ATP11C: variants seen among roughly 807,000 people sequenced by gnomAD.
ATP11C encodes phospholipid-transporting ATPase IG.
ATP11C carries 36 observed loss-of-function variants against 97.4 expected under a neutral mutation model. That is an observed-to-expected ratio of 0.37 (90% CI 0.28 to 0.49). The LOEUF (loss-of-function observed/expected upper bound fraction) is 0.49. Ranked by LOEUF, ATP11C falls within the 20% of genes least tolerant of loss-of-function variation. The pLI is 0.98. For synonymous variants in ATP11C, 275 were observed against 290.9 expected, an observed-to-expected ratio of 0.95 and a Z score of 0.56; for missense variants, 730 against 824.6, an observed-to-expected ratio of 0.89 and a Z score of 1.40.
At chrX:139,776,483 T>TTTTA (rs1331826878) in intron 18 of ATP11C, among the ~76,000 whole-genome samples, 2 of 111,526 alleles carry the variant, frequency 1.8e-5, no homozygotes, top group African/African-American at 6.5e-5. Flanking sequence ...AAGGATAAAG[T>TTTTA]CTATACAAAC....
intron 24 of ATP11C, 46 bp downstream of exon 24, chrX:139,749,979 A>T (rs1224984056): frequency 2.7e-6 from 3 of 1,126,366 alleles, no homozygotes; most frequent in Admixed American, 4.5e-5. Flanking sequence ...AATGAAAATC[A>T]CAACACTGAA....
chrX:139,804,417 T>A, intron 6 of ATP11C, 54 bp downstream of exon 6: 1 of 1,037,802 alleles, frequency 9.6e-7, no homozygotes, highest in Non-Finnish European at 1.3e-6. Context: ...GAGGCAGTAT[T>A]GTATGATTAA....
chrX:139,766,616 G>T (rs1461419069), intron 20 of ATP11C, among the ~76,000 whole-genome samples: 1 of 110,875 alleles, frequency 9.0e-6, no homozygotes, highest in Non-Finnish European at 1.9e-5. Flanking sequence ...ATGTGTGCGT[G>T]TGTGTGTGCG....
At chrX:139,931,861 G>A (rs988325061) in intron 1 of ATP11C, among the ~76,000 whole-genome samples, 155 bp downstream of exon 1, 13 of 110,834 alleles carry the variant, frequency 1.2e-4, no homozygotes, top group Non-Finnish European at 2.3e-4. Context: ...CTCCCCGGCC[G>A]CCTGGGCACC....
At position 139,797,180 on chromosome X, in the gene ATP11C, A is replaced by C. The variant is rs765266896; in HGVS notation, c.1004T>G (p.Leu335Trp). 10 of 1,198,094 alleles carry C rather than the reference A, an allele frequency of 8.3e-6. No homozygotes were observed. Among genetic ancestry groups the C allele is most frequent in the Non-Finnish European group, 1.1e-5 (10 of 891,885 alleles). ...NQKTQKERET[L>W]KVLKMFTDFL... ...TTTCAGCAGAAAACAAATTACCTTCAAGGTCTCTCGCTCTTTCTGAGTCTT... is the reference window on the plus strand; with the variant it reads ...TTTCAGCAGAAAACAAATTACCTTCCAGGTCTCTCGCTCTTTCTGAGTCTT... Residue 335 changes from leucine to tryptophan, a missense_variant, in exon 11 of 30, where the codon TTG becomes TGG. By Grantham distance (61) the Leu-to-Trp change is moderately conservative (BLOSUM62 -2). Transcript: ENST00000682941.
chrX:139,750,977 T>G (rs1042936745), intron 23 of ATP11C, among the ~76,000 whole-genome samples: 1 of 112,362 alleles, frequency 8.9e-6, no homozygotes, highest in Non-Finnish European at 1.9e-5. Flanking sequence ...AACAAACATT[T>G]TCTGTGGCCT....
intron 19 of ATP11C, among the ~76,000 whole-genome samples, chrX:139,770,404 T>C (rs1481592175): frequency 1.8e-5 from 2 of 111,998 alleles, no homozygotes; most frequent in African/African-American, 6.5e-5. Context: ...AGAATGTATG[T>C]TGGGGTGCAC....
intron 5 of ATP11C, among the ~76,000 whole-genome samples, chrX:139,812,921 C>T (rs910664896): frequency 9.0e-6 from 1 of 111,382 alleles, no homozygotes; most frequent in Non-Finnish European, 1.9e-5. Context: ...TCCCCCTTGA[C>T]CAGGATGTAA....
intron 1 of ATP11C, among the ~76,000 whole-genome samples, chrX:139,848,766 G>C (rs180886697): frequency 9.0e-6 from 1 of 111,113 alleles, no homozygotes; most frequent in Admixed American, 9.6e-5. Flanking sequence ...TTGATTCATG[G>C]AACCTATTCT....
At chrX:139,788,553 T>C (rs1377643083) in intron 13 of ATP11C, among the ~76,000 whole-genome samples, 3 of 111,464 alleles carry the variant, frequency 2.7e-5, no homozygotes, top group Admixed American at 1.9e-4. Flanking sequence ...GCATACCCTA[T>C]AGGCTGTGTT....
chrX:139,884,497 A>AT (rs1360120172), intron 1 of ATP11C, among the ~76,000 whole-genome samples: 1 of 111,546 alleles, frequency 9.0e-6, no homozygotes, highest in Admixed American at 9.6e-5. Context: ...GGAATACTTT[A>AT]TTTTTTATTT....
intron 8 of ATP11C, among the ~76,000 whole-genome samples, chrX:139,799,800 G>A (rs1474977099): frequency 7.4e-5 from 8 of 107,801 alleles, no homozygotes; most frequent in African/African-American, 2.0e-4. Context: ...TTACAGATGT[G>A]TGCCACCACG....
chrX:139,930,811 T>C (rs2085420393), intron 1 of ATP11C, among the ~76,000 whole-genome samples: 1 of 112,379 alleles, frequency 8.9e-6, no homozygotes, highest in South Asian at 3.7e-4. Context: ...CAAGTATTAC[T>C]TTTAGCCAGT....
At chrX:139,747,592 A>G (rs1358384682) in intron 24 of ATP11C, among the ~76,000 whole-genome samples, 1 of 111,812 alleles carries the variant, frequency 8.9e-6, no homozygotes. Context: ...TCTATAGAAA[A>G]ACTAGTTTAT....
intron 1 of ATP11C, among the ~76,000 whole-genome samples, chrX:139,832,984 A>T (rs1023753498): frequency 1.8e-5 from 2 of 112,429 alleles, no homozygotes; most frequent in African/African-American, 6.5e-5. Context: ...TACTTTCTAG[A>T]TCACCACAGA....
At position 139,762,103 on chromosome X, in the gene ATP11C, A is replaced by G; in HGVS notation, c.2498T>C (p.Ile833Thr). ...TGCTTGGCGACCTTCTTTGCCTTTA[A>G]TACCTAAAAGAGAGTATCTCTATAT... ...MILESHVGIG[I>T]KGKEGRQAAR... The change falls in exon 22 of 30, where the codon ATT (isoleucine) becomes ACT (threonine). Residue 833 changes from isoleucine (I) to threonine (T), a missense_variant. By Grantham distance (89) the Ile-to-Thr change is moderately conservative. Transcript: ENST00000682941. 1 of 1,198,200 alleles carries G rather than the reference A, an allele frequency of 8.3e-7. No individual in the cohort carries two copies. The highest frequency in any genetic ancestry group is 1.1e-6 in the Non-Finnish European group (1 of 886,779).
Position 139,750,142 on chromosome X carries a change from T to C in ATP11C, c.2711A>G (p.Asp904Gly). 8.5e-7 allele frequency: 1 copy of C among 1,180,993 alleles called. No homozygotes were observed. The highest frequency in any genetic ancestry group is 1.1e-6 in the Non-Finnish European group (1 of 876,033). ...ATTGTACATTGTAAGGTAAGCAGCA[T>C]CATACAGTGGCTAAAATGAAAAACA... ...FCGFSQQPLY[D>G]AAYLTMYNIC... Residue 904 changes from aspartate to glycine, a missense_variant, in exon 24 of 30, where the codon GAT (aspartate) becomes GGT (glycine). Asp to Gly is a moderately conservative substitution (Grantham distance 94). Transcript: ENST00000682941.
At chrX:139,760,850 A>C (rs2082023453) in intron 22 of ATP11C, among the ~76,000 whole-genome samples, 1 of 112,353 alleles carries the variant, frequency 8.9e-6, no homozygotes, top group South Asian at 3.7e-4. Flanking sequence ...TGAAAAAGGC[A>C]AAGTGCAAAG....
chrX:139,798,471 C>T, intron 9 of ATP11C, 117 bp from the exon 10 acceptor site: 2 of 536,844 alleles, frequency 3.7e-6, no homozygotes, highest in Non-Finnish European at 6.1e-6. Context: ...CTTCCACTCA[C>T]CAGTTGTATA....
Sources: allele counts gnomAD v4.1 joint callset (sites outside exome capture counted in the v4.1 genomes callset), GRCh38; gene constraint gnomAD v4.1.1; transcripts MANE v1.5; gene names NCBI Gene and HGNC (gene_info 2026-07-23, HGNC 2026-07-21).